Variants in ATP6V1H observed in about 807,000 individuals in gnomAD.
The protein encoded by ATP6V1H is V-type proton ATPase subunit H.
Under a neutral mutation model 71.7 loss-of-function variants are expected in ATP6V1H, and 39 were observed. The observed-to-expected ratio is 0.54, with a 90% CI of 0.42 to 0.71. ATP6V1H has a LOEUF of 0.71. Ranked by LOEUF, ATP6V1H falls within the 30% of genes least tolerant of loss-of-function variation. ATP6V1H has a pLI of 0.00. For synonymous variants in ATP6V1H, 192 were observed against 199.3 expected (o/e 0.96, Z 0.31); for missense variants, 509 against 594.9 (o/e 0.86, Z 1.50).
At chr8:53,778,458 C>G (rs1808970658) in intron 9 of ATP6V1H, among the ~76,000 whole-genome samples, 1 of 151,898 alleles carries the variant, frequency 6.6e-6, no homozygotes. Context: ...ATTTTTGTAC[C>G]CATTAACCAA....
chr8:53,795,648 C>T lies in ATP6V1H; in HGVS notation c.869G>A (p.Arg290His), dbSNP rs776045554. 5.6e-6 allele frequency: 9 copies of T among 1,612,746 alleles called. No homozygotes were observed. The highest frequency in any genetic ancestry group is 4.4e-5 in the South Asian group (4 of 90,798). Reference sequence around the variant, plus strand: ...CACAAACCAACATAAAACACTTACACGAAATGCTGCAAGAATGATTCTTGT... The same window carrying T: ...CACAAACCAACATAAAACACTTACATGAAATGCTGCAAGAATGATTCTTGT... ...KVTRIILAAF[R>H]NFLEKSTERE... The change falls in exon 9 of 14, where the codon CGT becomes CAT. Residue 290 changes from arginine (R) to histidine (H), a missense_variant and splice_region_variant. Coordinates refer to ENST00000359530, the MANE Select transcript of ATP6V1H (RefSeq NM_015941.4).
intron 12 of ATP6V1H, among the ~76,000 whole-genome samples, chr8:53,750,065 T>G (rs1807740196): frequency 6.6e-6 from 1 of 152,218 alleles, no homozygotes; most frequent in Non-Finnish European, 1.5e-5. Context: ...CAGAATCATG[T>G]TACCATATTA....
intron 9 of ATP6V1H, among the ~76,000 whole-genome samples, chr8:53,790,013 C>T (rs568975906): frequency 6.6e-5 from 10 of 152,256 alleles, no homozygotes; most frequent in African/African-American, 2.4e-4. Flanking sequence ...TTAGCAGTTA[C>T]AAAATATATC....
chr8:53,742,806 C>G (rs1042826880), intron 13 of ATP6V1H, among the ~76,000 whole-genome samples: 5 of 152,190 alleles, frequency 3.3e-5, no homozygotes, highest in African/African-American at 7.2e-5. Flanking sequence ...GGTAGCATTA[C>G]TGTCAGTTAC....
chr8:53,805,966 T>C (rs1810062878), intron 7 of ATP6V1H, among the ~76,000 whole-genome samples: 1 of 152,220 alleles, frequency 6.6e-6, no homozygotes, highest in Admixed American at 6.5e-5. Context: ...ATAATAATGA[T>C]AACCTTTGTG....
At chr8:53,805,466 T>G (rs545847078) in intron 7 of ATP6V1H, among the ~76,000 whole-genome samples, 2 of 152,346 alleles carry the variant, frequency 1.3e-5, no homozygotes, top group East Asian at 3.9e-4. Flanking sequence ...TGTATATGTG[T>G]GTATGTGTGA....
At chr8:53,794,208 A>G (rs1809656363) in intron 9 of ATP6V1H, among the ~76,000 whole-genome samples, 1 of 152,230 alleles carries the variant, frequency 6.6e-6, no homozygotes, top group Admixed American at 6.5e-5. Flanking sequence ...ATAGACCAGT[A>G]TAATATGTCA....
At chr8:53,824,108 G>A (rs1254629475) in intron 4 of ATP6V1H, among the ~76,000 whole-genome samples, 2 of 151,866 alleles carry the variant, frequency 1.3e-5, no homozygotes, top group African/African-American at 2.4e-5. Flanking sequence ...AGTCTTCTAT[G>A]AAAGTAAATG....
chr8:53,801,082 C>T (rs1809894667), intron 8 of ATP6V1H, among the ~76,000 whole-genome samples: 1 of 152,174 alleles, frequency 6.6e-6, no homozygotes, highest in Admixed American at 6.5e-5. Context: ...CATACAAATA[C>T]TGACTGAAAA....
intron 7 of ATP6V1H, among the ~76,000 whole-genome samples, chr8:53,810,693 T>C (rs1455873303): frequency 6.6e-6 from 1 of 152,168 alleles, no homozygotes; most frequent in African/African-American, 2.4e-5. Flanking sequence ...TGAGCTGAGA[T>C]TGTGCCACTG....
chr8:53,757,808 T>C (rs558422329), intron 11 of ATP6V1H, among the ~76,000 whole-genome samples: 3 of 152,212 alleles, frequency 2.0e-5, no homozygotes, highest in Non-Finnish European at 2.9e-5. Flanking sequence ...CTGTTCTTCA[T>C]AGTACTAATC....
intron 9 of ATP6V1H, among the ~76,000 whole-genome samples, chr8:53,775,256 A>G (rs1163089734): frequency 6.6e-6 from 1 of 152,030 alleles, no homozygotes; most frequent in Non-Finnish European, 1.5e-5. Flanking sequence ...GCAGACCTCC[A>G]CGGTATTACA....
intron 4 of ATP6V1H, among the ~76,000 whole-genome samples, chr8:53,817,977 G>A (rs1349544596): frequency 6.6e-6 from 1 of 152,134 alleles, no homozygotes; most frequent in African/African-American, 2.4e-5. Flanking sequence ...TAAATGAATC[G>A]CAAATGTTCA....
chr8:53,760,165 C>T (rs915302253), intron 11 of ATP6V1H, among the ~76,000 whole-genome samples: 1 of 152,222 alleles, frequency 6.6e-6, no homozygotes, highest in Non-Finnish European at 1.5e-5. Context: ...AGCTGGTGAT[C>T]AGCAGCTTCC....
chr8:53,731,632 G>A (rs973706568), intron 13 of ATP6V1H, among the ~76,000 whole-genome samples: 6 of 147,576 alleles, frequency 4.1e-5, no homozygotes, highest in East Asian at 4.4e-4. Context: ...TTTCTCTCTC[G>A]GGGAGCTCGG....
intron 8 of ATP6V1H, among the ~76,000 whole-genome samples, chr8:53,800,695 T>C (rs1809881640): frequency 6.6e-6 from 1 of 152,198 alleles, no homozygotes; most frequent in African/African-American, 2.4e-5. Flanking sequence ...CTCAAGGACA[T>C]GTGATGATTT....
chr8:53,727,428 C>T (rs1042205842), intron 13 of ATP6V1H, among the ~76,000 whole-genome samples: 6 of 152,216 alleles, frequency 3.9e-5, no homozygotes, highest in African/African-American at 1.4e-4. Flanking sequence ...ACCACCCCAC[C>T]CTCCCTGGGT....
At chr8:53,759,940 T>G (rs1204934040) in intron 11 of ATP6V1H, among the ~76,000 whole-genome samples, 1 of 152,246 alleles carries the variant, frequency 6.6e-6, no homozygotes, top group Non-Finnish European at 1.5e-5. Flanking sequence ...CATGATGCTT[T>G]TTAAACAGCA....
intron 9 of ATP6V1H, among the ~76,000 whole-genome samples, chr8:53,789,031 G>A (rs189618588): frequency 1.3e-5 from 2 of 152,272 alleles, no homozygotes; most frequent in African/African-American, 4.8e-5. Context: ...CATATACTCA[G>A]TAACCAACAA....
Sources: gnomAD v4.1 joint callset for allele counts (sites outside exome capture counted in the v4.1 genomes callset) on GRCh38, gnomAD v4.1.1 for gene constraint, MANE v1.5 for transcripts, NCBI Gene and HGNC (gene_info 2026-07-23, HGNC 2026-07-21) for gene names.